NME7: variants seen among roughly 807,000 people sequenced by gnomAD.
NME7 encodes nucleoside diphosphate kinase 7.
A neutral mutation model predicts 49.1 loss-of-function variants in NME7; 41 were observed. That is an observed-to-expected ratio of 0.83 (90% CI 0.65 to 1.08). NME7 has a LOEUF of 1.08. NME7 is among the 50% of genes least tolerant of loss of function. The pLI is 0.00. For missense variants in NME7, 423 were observed against 463.4 expected (o/e 0.91, Z 0.80); for synonymous variants, 139 against 150.6 (o/e 0.92, Z 0.56).
At chr1:169,323,343 A>C in intron 2 of NME7, 60 bp from the exon 3 acceptor site, 1 of 1,329,938 alleles carries the variant, frequency 7.5e-7, no homozygotes, top group Non-Finnish European at 1.0e-6. Flanking sequence ...AAGGAAAGTT[A>C]ATCTCATCAT....
intron 7 of NME7, among the ~76,000 whole-genome samples, chr1:169,277,007 T>A (rs376182161): frequency 2.4e-3 from 342 of 145,006 alleles, no homozygotes; most frequent in Middle Eastern, 7.6e-3. Flanking sequence ...TTTGAGTGAG[T>A]TTCTTAATCC....
At chr1:169,343,018 T>TGC (rs2101965822) in intron 1 of NME7, among the ~76,000 whole-genome samples, 1 of 140,062 alleles carries the variant, frequency 7.1e-6, no homozygotes, top group African/African-American at 2.6e-5. Context: ...TATATATGCA[T>TGC]ATATATATAT....
chr1:169,344,798 G>T (rs1195106087), intron 1 of NME7, among the ~76,000 whole-genome samples: 1 of 151,960 alleles, frequency 6.6e-6, no homozygotes, highest in African/African-American at 2.4e-5. Context: ...CATGATGTTG[G>T]TCTGCAGTTT....
intron 3 of NME7, among the ~76,000 whole-genome samples, chr1:169,314,209 T>C (rs1651521160): frequency 6.6e-6 from 1 of 151,576 alleles, no homozygotes; most frequent in African/African-American, 2.4e-5. Flanking sequence ...GAAACCTAAA[T>C]GAATACTCAT....
chr1:169,318,980 G>A (rs1005800597), intron 3 of NME7, among the ~76,000 whole-genome samples: 1 of 151,602 alleles, frequency 6.6e-6, no homozygotes, highest in South Asian at 2.1e-4. Context: ...CAGTTGGGAT[G>A]GAAGAACAGA....
intron 7 of NME7, among the ~76,000 whole-genome samples, chr1:169,260,554 T>C (rs1220080618): frequency 3.1e-5 from 4 of 128,024 alleles, no homozygotes; most frequent in African/African-American, 7.9e-5. Context: ...CACAGATTCA[T>C]AAAGATTAGC....
chr1:169,294,928 G>C (rs1650648796), intron 6 of NME7, among the ~76,000 whole-genome samples: 2 of 152,108 alleles, frequency 1.3e-5, no homozygotes, highest in South Asian at 4.1e-4. Context: ...GATAGTAGGG[G>C]TAAATCCCAT....
In NME7 at chr1:169,237,667, T is replaced by A. The variant is rs761743916; in HGVS notation, c.775A>T (p.Met259Leu). 4 of 1,611,138 alleles carry A rather than the reference T, an allele frequency of 2.5e-6. No homozygotes were observed. Among genetic ancestry groups the A allele is most frequent in the Non-Finnish European group, 1.7e-6 (2 of 1,178,030 alleles). Residue 259 changes from methionine (M) to leucine (L), a missense_variant, in exon 8 of 12, where the codon ATG becomes TTG. Met to Leu is a conservative substitution (Grantham distance 15, BLOSUM62 2). Transcript: ENST00000367811. ...VSEGLLGKILMAIRDAGFEIS... is the reference protein window; with the variant it reads ...VSEGLLGKILLAIRDAGFEIS... ...TCAAAACCTGCATCTCGGATAGCCA[T>A]CAGGATCTTTCCCAACAGTCCTGAA...
rs576136784 is a variant in NME7, at chr1:169,218,449, T to G, written c.990+12269A>C. Reference sequence around the variant, plus strand: ...AAATATTTTAAAACTTAGCCAGCCATGTAGCACATGCCTATAGTCCCAGCT... The same window carrying G: ...AAATATTTTAAAACTTAGCCAGCCAGGTAGCACATGCCTATAGTCCCAGCT... On this transcript the variant is annotated intron_variant, in intron 10 of 11. Transcript: ENST00000367811. Among the ~76,000 whole-genome samples the G allele has an allele frequency of 2.0e-5, 3 of 152,078 alleles. No individual in the cohort carries two copies. The East Asian group carries it at 5.8e-4, about 29-fold the overall frequency.
chr1:169,339,998 G>A (rs946917187), intron 1 of NME7, among the ~76,000 whole-genome samples: 3 of 122,324 alleles, frequency 2.5e-5, no homozygotes, highest in African/African-American at 1.0e-4. Flanking sequence ...AGGTCAAGAA[G>A]TAGTAAAGGC....
chr1:169,292,970 T>A (rs1650566955), intron 6 of NME7, among the ~76,000 whole-genome samples: 1 of 152,036 alleles, frequency 6.6e-6, no homozygotes, highest in Admixed American at 6.6e-5. Flanking sequence ...CCTAGAGATG[T>A]ACAGAATACA....
At chr1:169,254,067 G>A (rs1648775172) in intron 7 of NME7, among the ~76,000 whole-genome samples, 1 of 150,956 alleles carries the variant, frequency 6.6e-6, no homozygotes, top group Non-Finnish European at 1.5e-5. Context: ...TCAGAATGAT[G>A]CTGGCCTCAT....
intron 3 of NME7, among the ~76,000 whole-genome samples, chr1:169,311,849 G>A (rs1219648279): frequency 6.6e-6 from 1 of 152,190 alleles, no homozygotes; most frequent in Non-Finnish European, 1.5e-5. Context: ...GCCTACAAGA[G>A]ACAAAGGATT....
intron 7 of NME7, among the ~76,000 whole-genome samples, chr1:169,275,474 G>A (rs181285906): frequency 0.16 from 9,497 of 60,062 alleles, 1,803 homozygotes; most frequent in Admixed American, 0.35. Context: ...GCGAAACTCC[G>A]TCTCAAAAAA....
At chr1:169,354,234 A>T (rs528747843) in intron 1 of NME7, among the ~76,000 whole-genome samples, 1 of 152,276 alleles carries the variant, frequency 6.6e-6, no homozygotes, top group Non-Finnish European at 1.5e-5. Context: ...TGATTCTGTC[A>T]TTTGCAAAAA....
intron 10 of NME7, among the ~76,000 whole-genome samples, chr1:169,210,215 C>G (rs1660771732): frequency 6.6e-6 from 1 of 152,020 alleles, no homozygotes; most frequent in African/African-American, 2.4e-5. Flanking sequence ...TCTAGTTTAC[C>G]CAAGTCTGTA....
chr1:169,241,415 T>TG (rs1490976312), intron 7 of NME7, among the ~76,000 whole-genome samples: 5 of 152,062 alleles, frequency 3.3e-5, no homozygotes, highest in African/African-American at 1.2e-4. Flanking sequence ...AAATCAGCTT[T>TG]GGTCTTGCAG....
chr1:169,324,548 G>T, intron 1 of NME7, 48 bp from the exon 2 acceptor site: 2 of 1,129,400 alleles, frequency 1.8e-6, no homozygotes, highest in Non-Finnish European at 2.7e-6. Flanking sequence ...TAAAGAACAA[G>T]CACTCTTCTG....
At chr1:169,158,740 A>G (rs1037702719) in intron 11 of NME7, among the ~76,000 whole-genome samples, 10 of 152,180 alleles carry the variant, frequency 6.6e-5, no homozygotes, top group Non-Finnish European at 4.4e-5. Context: ...TCCTGGGTCA[A>G]ATCCCCGAGT....
Sources: allele counts gnomAD v4.1 joint callset (sites outside exome capture counted in the v4.1 genomes callset), GRCh38; gene constraint gnomAD v4.1.1; transcripts MANE v1.5; gene names NCBI Gene and HGNC (gene_info 2026-07-23, HGNC 2026-07-21).